Variants in CACNA1E observed in about 807,000 individuals in gnomAD.
CACNA1E encodes the protein voltage-dependent R-type calcium channel subunit alpha-1E.
Under a neutral mutation model 259.2 loss-of-function variants are expected in CACNA1E, and 40 were observed. The ratio of observed to expected loss-of-function variants is 0.15; its 90% CI spans 0.12 to 0.20. The LOEUF is 0.20. Ranked by LOEUF, CACNA1E falls within the 10% of genes least tolerant of loss-of-function variation. CACNA1E has a pLI of 1.00. For synonymous variants in CACNA1E, 1,104 were observed against 1,138.5 expected, an observed-to-expected ratio of 0.97 and a Z score of 0.61; for missense variants, 1,874 against 3,040.1, an observed-to-expected ratio of 0.62 and a Z score of 9.02.
intron 1 of CACNA1E, among the ~76,000 whole-genome samples, chr1:181,322,006 G>A (rs899138286): frequency 6.6e-6 from 1 of 152,140 alleles, no homozygotes; most frequent in African/African-American, 2.4e-5. Context: ...CTGGGGGAGG[G>A]TAGGCGGGGC....
chr1:181,388,249 T>C (rs1459540726), intron 1 of CACNA1E, among the ~76,000 whole-genome samples: 1 of 152,208 alleles, frequency 6.6e-6, no homozygotes, highest in Non-Finnish European at 1.5e-5. Context: ...GAGTGCTCCT[T>C]ATCTGCGGTA....
At chr1:181,352,116 A>G (rs1653086134) in intron 1 of CACNA1E, among the ~76,000 whole-genome samples, 2 of 152,188 alleles carry the variant, frequency 1.3e-5, no homozygotes. Context: ...TGATTATGTC[A>G]CCAGCTGTGA....
intron 7 of CACNA1E, among the ~76,000 whole-genome samples, chr1:181,702,892 T>G (rs1652414319): frequency 6.6e-6 from 1 of 152,276 alleles, no homozygotes; most frequent in Non-Finnish European, 1.5e-5. Context: ...TATAACATTC[T>G]GTTTATTATG....
chr1:181,388,862 G>A (rs112025685), intron 1 of CACNA1E, among the ~76,000 whole-genome samples: 1 of 151,516 alleles, frequency 6.6e-6, no homozygotes, highest in Non-Finnish European at 1.5e-5. Flanking sequence ...TTGCACTCCA[G>A]CCTGGGCAAC....
intron 2 of CACNA1E, among the ~76,000 whole-genome samples, chr1:181,436,837 A>G (rs1283291502): frequency 6.6e-6 from 1 of 152,206 alleles, no homozygotes; most frequent in Non-Finnish European, 1.5e-5. Context: ...CGTATTTCAA[A>G]ATTGCGAAAA....
Position 181,718,142 on chromosome 1 carries a change from C to G in CACNA1E, c.1613C>G (p.Ser538Cys), listed in dbSNP as rs1654077154. 6.2e-7 allele frequency: 1 copy of G among 1,602,592 alleles called. No homozygotes were observed. ...YGMGPRLYFH[S>C]SFNCFDFGVT... ...ATGGGGCCTCGCCTTTATTTTCACT[C>G]TTCATTCAACTGCTTTGATTTTGGG... Residue 538 changes from serine (S) to cysteine (C), a missense_variant, in exon 12 of 48, where the codon TCT becomes TGT. By Grantham distance (112) the Ser-to-Cys change is moderately radical (BLOSUM62 -1). Transcript: ENST00000367573.
At chr1:181,693,255 A>G (rs1199631412) in intron 7 of CACNA1E, among the ~76,000 whole-genome samples, 2 of 152,310 alleles carry the variant, frequency 1.3e-5, no homozygotes, top group South Asian at 2.1e-4. Context: ...AGATTTCTCA[A>G]AGAATTTAAA....
At chr1:181,500,502 A>C (rs1455487394) in intron 1 of CACNA1E, among the ~76,000 whole-genome samples, 1 of 152,228 alleles carries the variant, frequency 6.6e-6, no homozygotes, top group Non-Finnish European at 1.5e-5. Context: ...TATTAGCACA[A>C]CACTTAGTTT....
chr1:181,783,831 A>T, intron 40 of CACNA1E, 47 bp downstream of exon 40: 1 of 1,205,634 alleles, frequency 8.3e-7, no homozygotes, highest in Non-Finnish European at 1.2e-6. Context: ...ATTCTGGAAC[A>T]ACTCATGCAG....
intron 3 of CACNA1E, among the ~76,000 whole-genome samples, chr1:181,530,021 C>T (rs1667656087): frequency 6.6e-6 from 1 of 152,182 alleles, no homozygotes; most frequent in African/African-American, 2.4e-5. Context: ...GCTGTGTCCC[C>T]ACCCAAATCT....
rs200558263 is a variant in CACNA1E at position 181,385,163 on chromosome 1, TCTC to T, written c.-14-27967_-14-27965del. Among the ~76,000 whole-genome samples, 1,336 of 152,308 alleles carry T rather than the reference TCTC, an allele frequency of 8.8e-3. 25 individuals carry two copies. The highest frequency in any genetic ancestry group is 0.029 in the African/African-American group (1,217 of 41,564). ...ACACTTAATCCTGTTGCATGGCTCTTCTCCTTTCATCTATAAATTCTAGACTCT... is the reference window on the plus strand; with the variant it reads ...ACACTTAATCCTGTTGCATGGCTCTTCTTTCATCTATAAATTCTAGACTCT... On this transcript the variant is annotated intron_variant, in intron 1 of 11. Transcript: ENST00000524607.
chr1:181,655,882 A>G (rs754647868), intron 7 of CACNA1E, among the ~76,000 whole-genome samples: 14 of 152,116 alleles, frequency 9.2e-5, no homozygotes, highest in Non-Finnish European at 1.6e-4. Flanking sequence ...CATGTGCCAC[A>G]TAATGACATT....
chr1:181,765,639 T>G (rs148194202), intron 34 of CACNA1E, among the ~76,000 whole-genome samples: 1 of 152,340 alleles, frequency 6.6e-6, no homozygotes, highest in African/African-American at 2.4e-5. Context: ...ATTGATCTCC[T>G]GGGATTCATG....
intron 3 of CACNA1E, among the ~76,000 whole-genome samples, chr1:181,521,796 C>G (rs530054726): frequency 1.0e-3 from 155 of 152,018 alleles, no homozygotes; most frequent in African/African-American, 3.6e-3. Context: ...TAGGATGAGA[C>G]GAGAAGAGGG....
chr1:181,629,749 A>T (rs1375115785), intron 6 of CACNA1E, among the ~76,000 whole-genome samples: 1 of 152,210 alleles, frequency 6.6e-6, no homozygotes, highest in Non-Finnish European at 1.5e-5. Flanking sequence ...AAGGAAAGGC[A>T]AACCATATGG....
chr1:181,557,794 C>T (rs1057437292), intron 3 of CACNA1E, among the ~76,000 whole-genome samples: 1 of 152,164 alleles, frequency 6.6e-6, no homozygotes, highest in African/African-American at 2.4e-5. Context: ...CTCAGCGGCA[C>T]TCTGTGGGGA....
chr1:181,334,080 A>AT (rs1244802371), intron 1 of CACNA1E, among the ~76,000 whole-genome samples: 1 of 152,194 alleles, frequency 6.6e-6, no homozygotes, highest in Non-Finnish European at 1.5e-5. Context: ...CTTCACCAAA[A>AT]TTCTTCTTTC....
chr1:181,467,251 G>A (rs1301211982), intron 2 of CACNA1E, among the ~76,000 whole-genome samples: 3 of 152,196 alleles, frequency 2.0e-5, no homozygotes, highest in African/African-American at 4.8e-5. Flanking sequence ...TTCAAAGGGT[G>A]TTGTTGACCA....
chr1:181,477,669 C>T (rs978872815), intron 2 of CACNA1E, among the ~76,000 whole-genome samples: 6 of 152,158 alleles, frequency 3.9e-5, no homozygotes, highest in African/African-American at 1.4e-4. Flanking sequence ...CCCCGCACAA[C>T]AGAGTGTGTT....
Sources: gnomAD v4.1 joint callset for allele counts (sites outside exome capture counted in the v4.1 genomes callset) on GRCh38, gnomAD v4.1.1 for gene constraint, MANE v1.5 for transcripts, NCBI Gene and HGNC (gene_info 2026-07-23, HGNC 2026-07-21) for gene names.